TANGO6: variants seen among roughly 807,000 people sequenced by gnomAD.
The protein encoded by TANGO6 is transport and golgi organization 6 homolog.
A neutral mutation model predicts 114.2 loss-of-function variants in TANGO6; 90 were observed. The ratio of observed to expected loss-of-function variants is 0.79; its 90% CI spans 0.66 to 0.94. The LOEUF (loss-of-function observed/expected upper bound fraction) is 0.94. Ranked by LOEUF, TANGO6 falls within the 40% of genes least tolerant of loss-of-function variation. The pLI is 0.00. For missense variants in TANGO6, 1,274 were observed against 1,315.3 expected (o/e 0.97, Z 0.49); for synonymous variants, 477 against 509.8 (o/e 0.94, Z 0.87).
intron 15 of TANGO6, among the ~76,000 whole-genome samples, chr16:69,013,985 A>G (rs1959239488): frequency 6.6e-6 from 1 of 152,130 alleles, no homozygotes; most frequent in African/African-American, 2.4e-5. Context: ...TGACAAATCT[A>G]ACTTTTTTGA....
intron 14 of TANGO6, among the ~76,000 whole-genome samples, chr16:68,971,373 C>T (rs1183586647): frequency 1.3e-5 from 2 of 151,930 alleles, no homozygotes; most frequent in Non-Finnish European, 2.9e-5. Flanking sequence ...TGGGCTCAAG[C>T]AATCCTCCTG....
chr16:68,962,541 C>T (rs938616055), intron 14 of TANGO6, among the ~76,000 whole-genome samples: 1 of 151,956 alleles, frequency 6.6e-6, no homozygotes, highest in East Asian at 1.9e-4. Flanking sequence ...AAAAGAGGGC[C>T]GATCACCTGA....
At chr16:68,995,868 G>A (rs1452663050) in intron 15 of TANGO6, among the ~76,000 whole-genome samples, 1 of 152,204 alleles carries the variant, frequency 6.6e-6, no homozygotes, top group Non-Finnish European at 1.5e-5. Flanking sequence ...TAAAAGGGAT[G>A]AGCCCCTTCT....
intron 1 of TANGO6, among the ~76,000 whole-genome samples, chr16:68,844,015 G>A (rs189319202): frequency 1.1e-4 from 17 of 152,294 alleles, no homozygotes; most frequent in African/African-American, 4.1e-4. Flanking sequence ...CAGCGCTCTT[G>A]GGAGGGGGAT....
At chr16:68,901,498 G>A (rs1483550189) in intron 8 of TANGO6, among the ~76,000 whole-genome samples, 1 of 151,836 alleles carries the variant, frequency 6.6e-6, no homozygotes, top group East Asian at 1.9e-4. Flanking sequence ...TCTTGTTTTT[G>A]TTTTTTTTGA....
chr16:69,009,401 C>G (rs1306046965), intron 15 of TANGO6, among the ~76,000 whole-genome samples: 1 of 152,088 alleles, frequency 6.6e-6, no homozygotes, highest in Non-Finnish European at 1.5e-5. Context: ...TTTCTTGACC[C>G]TCAGTTTTAT....
chr16:68,854,621 T>G (rs897195345), intron 1 of TANGO6, among the ~76,000 whole-genome samples: 8 of 149,774 alleles, frequency 5.3e-5, no homozygotes, highest in South Asian at 4.2e-4. Flanking sequence ...GGTCAAAGTT[T>G]TTTTTTTTTT....
intron 15 of TANGO6, among the ~76,000 whole-genome samples, chr16:69,008,979 A>G (rs1222743611): frequency 6.7e-6 from 1 of 150,026 alleles, no homozygotes; most frequent in East Asian, 2.0e-4. Context: ...AGGGGTTTTC[A>G]TGTGGCTATC....
chr16:68,854,953 T>A (rs1340432360), intron 1 of TANGO6, among the ~76,000 whole-genome samples: 1 of 152,084 alleles, frequency 6.6e-6, no homozygotes, highest in Non-Finnish European at 1.5e-5. Flanking sequence ...GTTGAGATTC[T>A]TATTGTAATT....
At chr16:68,888,557 GT>G (rs559144703) in intron 7 of TANGO6, among the ~76,000 whole-genome samples, 2 of 152,216 alleles carry the variant, frequency 1.3e-5, no homozygotes, top group Non-Finnish European at 2.9e-5. Flanking sequence ...CACTTAAGTA[GT>G]TTATTTCCTC....
In TANGO6 at chr16:69,066,153, G is replaced by T. The variant is rs184296573; in HGVS notation, c.3109-17332G>T. 3.2e-3 allele frequency among the ~76,000 whole-genome samples: 487 copies of T among 152,082 alleles called. 4 individuals carry two copies. The highest frequency in any genetic ancestry group is 0.011 in the African/African-American group (472 of 41,504). ...CAGACTACATTAAATTCATTTCCCC[G>T]CATCTACGCCACCTCCCTCTTCCTC... is the stretch of plus-strand genomic sequence containing the variant. On this transcript the variant is annotated intron_variant, in intron 17 of 17. Coordinates refer to ENST00000261778, the MANE Select transcript of TANGO6 (RefSeq NM_024562.2).
intron 16 of TANGO6, among the ~76,000 whole-genome samples, chr16:69,029,381 A>G (rs766500339): frequency 5.9e-5 from 9 of 152,224 alleles, no homozygotes; most frequent in Non-Finnish European, 1.3e-4. Flanking sequence ...GATTGTTACA[A>G]GACGTATATG....
In TANGO6 at chr16:69,083,509, C is replaced by T. The variant is rs201263632; in HGVS notation, c.3133C>T (p.Leu1045Phe). The change falls in exon 18 of 18, where the codon CTC becomes TTC. Residue 1045 changes from leucine to phenylalanine, a missense_variant. Around this residue, in one of 5 missense-constraint regions of TANGO6, gnomAD observed 238 missense variants for 252.9 expected, o/e 0.94. Transcript: ENST00000261778. Reference protein sequence around the residue: ...TEVLSAVLKDLYHLLKHVVCL... With the variant: ...TEVLSAVLKDFYHLLKHVVCL... ...GGTGCTGAGCGCCGTCCTCAAGGAT[C>T]TCTACCACCTGCTGAAGCACGTAGT... The T allele has an allele frequency of 6.2e-7, 1 of 1,612,274 alleles. No individual in the cohort carries two copies. Among genetic ancestry groups the T allele is most frequent in the Non-Finnish European group, 8.5e-7 (1 of 1,179,194 alleles).
At chr16:69,020,357 A>AG (rs1959379954) in intron 15 of TANGO6, among the ~76,000 whole-genome samples, 1 of 152,198 alleles carries the variant, frequency 6.6e-6, no homozygotes, top group Non-Finnish European at 1.5e-5. Flanking sequence ...TCAGAGATGA[A>AG]GGAGTCAAAG....
intron 17 of TANGO6, among the ~76,000 whole-genome samples, chr16:69,070,837 G>C (rs1345522416): frequency 6.6e-6 from 1 of 151,102 alleles, no homozygotes; most frequent in East Asian, 1.9e-4. Context: ...GTAATGGGGT[G>C]GTCTTGGCTC....
chr16:68,872,980 G>A (rs1962301448), intron 4 of TANGO6, among the ~76,000 whole-genome samples: 1 of 151,940 alleles, frequency 6.6e-6, no homozygotes, highest in African/African-American at 2.4e-5. Context: ...TGGGATTACA[G>A]GAGTGAGCCA....
chr16:68,916,265 A>G (rs1016947952), intron 11 of TANGO6, among the ~76,000 whole-genome samples: 12 of 152,150 alleles, frequency 7.9e-5, no homozygotes, highest in Admixed American at 3.3e-4. Flanking sequence ...GCAGCGCCCA[A>G]GTGAGCTTTA....
intron 15 of TANGO6, among the ~76,000 whole-genome samples, chr16:69,001,924 G>A (rs1964048094): frequency 6.6e-6 from 1 of 152,064 alleles, no homozygotes; most frequent in Non-Finnish European, 1.5e-5. Context: ...ATTCCTAAAA[G>A]TATATGTCCT....
chr16:68,909,521 CTGGTTAAATATGGAA>C, intron 11 of TANGO6, 119 bp downstream of exon 11: 1 of 997,148 alleles, frequency 1.0e-6, no homozygotes, highest in African/African-American at 1.7e-5. Context: ...TCCTGGAATG[CTGGTTAAATATGGAA>C]ACTACACAGC....
Sources: gnomAD v4.1 joint callset for allele counts (sites outside exome capture counted in the v4.1 genomes callset) on GRCh38, gnomAD v4.1.1 for gene constraint, gnomAD v4.1.1 regional missense constraint, MANE v1.5 for transcripts, NCBI Gene and HGNC (gene_info 2026-07-23, HGNC 2026-07-21) for gene names.